PDE4A: variants seen among roughly 807,000 people sequenced by gnomAD.
PDE4A encodes phosphodiesterase 4A, also known as 3',5'-cyclic-AMP phosphodiesterase 4A.
PDE4A carries 21 observed loss-of-function variants against 73.9 expected under a neutral mutation model. That is an observed-to-expected ratio of 0.28 (90% CI 0.20 to 0.41). The LOEUF (loss-of-function observed/expected upper bound fraction) is 0.41. Ranked by LOEUF, PDE4A falls within the 10% of genes least tolerant of loss-of-function variation. PDE4A has a pLI of 1.00. For missense variants in PDE4A, 958 were observed against 1,211.4 expected (o/e 0.79, Z 3.10); for synonymous variants, 463 against 505.4 (o/e 0.92, Z 1.13).
chr19:10,425,944 G>C lies in PDE4A; in HGVS notation c.320+4860G>C, dbSNP rs10405606. Reference sequence around the variant, plus strand: ...GGAGGTTGCGGTGAGCCGAGATTGGGCCACTGCACTCCAGTCTGGGCGAGA... The same window carrying C: ...GGAGGTTGCGGTGAGCCGAGATTGGCCCACTGCACTCCAGTCTGGGCGAGA... On this transcript the variant is annotated intron_variant, in intron 1 of 14. Coordinates refer to ENST00000380702, the MANE Select transcript of PDE4A (RefSeq NM_001111307.2). Among the ~76,000 whole-genome samples, 214 of 135,130 alleles carry C rather than the reference G, an allele frequency of 1.6e-3. 1 individual carries two copies. The highest frequency in any genetic ancestry group is 6.1e-3 in the African/African-American group (206 of 33,972). 88.7% of individuals were successfully genotyped at this position (135,130 alleles called of 152,430 possible).
At chr19:10,431,159 G>C in intron 1 of PDE4A, 1 of 1,021,340 alleles carries the variant, frequency 9.8e-7, no homozygotes, top group Non-Finnish European at 1.3e-6. Context: ...TCTAGGGTTC[G>C]TGGCTCACTC....
intron 13 of PDE4A, among the ~76,000 whole-genome samples, chr19:10,463,450 G>A (rs1236272924): frequency 2.8e-5 from 4 of 143,570 alleles, no homozygotes; most frequent in Non-Finnish European, 6.0e-5. Context: ...CGCCCAGGCT[G>A]GAGGGCAGTG....
chr19:10,422,043 T>C (rs2042658006), intron 1 of PDE4A, among the ~76,000 whole-genome samples: 1 of 152,128 alleles, frequency 6.6e-6, no homozygotes, highest in Non-Finnish European at 1.5e-5. Context: ...CGACAGTGAC[T>C]GTGTGTGCTC....
At position 10,420,580 on chromosome 19, in the gene PDE4A, A is replaced by C; in HGVS notation, c.-185A>C. 7.9e-7 allele frequency: 1 copy of C among 1,260,284 alleles called. No individual in the cohort carries two copies. Among genetic ancestry groups the C allele is most frequent in the Non-Finnish European group, 9.9e-7 (1 of 1,005,406 alleles). The allele number at this position is 1,260,284 out of a possible 1,614,324, so 78.1% of individuals were successfully genotyped here. A position where few individuals can be genotyped will look rare whatever the true frequency, so the allele number is the denominator to read the frequency against. The stretch of plus-strand genomic sequence containing the variant: ...GAGCAGAGCTCCAGGCGCCGAAAGG[A>C]AGCTGCAGAGCCCGGCCCGGGGGCG... On this transcript the variant is annotated 5_prime_UTR_variant, in exon 1 of 15. Coordinates refer to ENST00000380702, the MANE Select transcript of PDE4A (RefSeq NM_001111307.2). This position sits in a 1 kb window ranked among gnomAD's most constrained non-coding sequence, Gnocchi z 6.0.
At chr19:10,439,462 G>A (rs1288127569) in intron 1 of PDE4A, among the ~76,000 whole-genome samples, 1 of 152,124 alleles carries the variant, frequency 6.6e-6, no homozygotes, top group Non-Finnish European at 1.5e-5. Context: ...GATTACAGGC[G>A]TGAGCCACCG....
At chr19:10,441,427 CT>C (rs575369296) in intron 1 of PDE4A, among the ~76,000 whole-genome samples, 2,047 of 144,620 alleles carry the variant, frequency 0.014, 41 homozygotes, top group African/African-American at 0.047. Flanking sequence ...GTGCCCAGCC[CT>C]TTTTTTTTTT....
intron 1 of PDE4A, among the ~76,000 whole-genome samples, chr19:10,442,492 C>T (rs956455495): frequency 6.6e-6 from 1 of 152,020 alleles, no homozygotes; most frequent in African/African-American, 2.4e-5. Context: ...CCACTGCACT[C>T]CAGACTGGGC....
At chr19:10,466,667 T>G (rs1457477345) in intron 14 of PDE4A, 1 of 196,278 alleles carries the variant, frequency 5.1e-6, no homozygotes, top group East Asian at 1.9e-4. Flanking sequence ...CTAATTTTTG[T>G]ATTTTTGGTA....
chr19:10,416,916 G>C (rs1432622649), upstream of PDE4A: 1 of 1,538,414 alleles, frequency 6.5e-7, no homozygotes, highest in Non-Finnish European at 8.7e-7. Context: ...GGCCACCGCA[G>C]TCCCAACGGC....
At chr19:10,419,103 G>C, upstream of PDE4A, 8 of 980,762 alleles carry the variant, frequency 8.2e-6, no homozygotes, top group Non-Finnish European at 9.7e-6. Context: ...AGGGCGCGGG[G>C]GGAGGGCGGT....
At chr19:10,418,697 T>G, upstream of PDE4A, 3 of 923,184 alleles carry the variant, frequency 3.2e-6, no homozygotes, top group South Asian at 5.0e-5. Flanking sequence ...CGCTCCTCGT[T>G]TCCTCCTTCT....
Position 10,436,912 on chromosome 19 carries a change from AC to A in PDE4A, c.321-9304del, listed in dbSNP as rs2042872739. Among the ~76,000 whole-genome samples the A allele has an allele frequency of 8.6e-5, 13 of 151,938 alleles. No individual in the cohort carries two copies. The South Asian group carries it at 2.7e-3, about 32-fold the overall frequency. On this transcript the variant is annotated intron_variant, in intron 1 of 14. Coordinates refer to ENST00000380702, the MANE Select transcript of PDE4A (RefSeq NM_001111307.2). The stretch of plus-strand genomic sequence containing the variant: ...AAATTAGCCAGGTGTAGTGGCGCAC[AC>A]CTGTAGTCCCAGCTACTCGAGAGAC...
At chr19:10,457,259 T>C (rs1200723992) in intron 7 of PDE4A, among the ~76,000 whole-genome samples, 4 of 152,190 alleles carry the variant, frequency 2.6e-5, no homozygotes, top group African/African-American at 9.6e-5. Flanking sequence ...CTCTGAGTTC[T>C]GAGGATCCAC....
intron 1 of PDE4A, among the ~76,000 whole-genome samples, chr19:10,429,279 G>GAAGGAAGA (rs753245478): frequency 6.7e-5 from 8 of 120,278 alleles, no homozygotes; most frequent in African/African-American, 1.3e-4. Context: ...AGGAAGGAAG[G>GAAGGAAGA]AAGAAAGAAA....
intron 1 of PDE4A, among the ~76,000 whole-genome samples, chr19:10,428,313 G>C (rs558236637): frequency 6.6e-6 from 1 of 151,782 alleles, no homozygotes; most frequent in South Asian, 2.1e-4. Context: ...AGCTATGATC[G>C]TGCCACTGTA....
intron 2 of PDE4A, 53 bp from the exon 3 acceptor site, chr19:10,448,864 C>T: frequency 6.2e-7 from 1 of 1,611,058 alleles, no homozygotes; most frequent in Non-Finnish European, 8.5e-7. Context: ...GGCATCTACC[C>T]CAGACAGTTG....
At chr19:10,438,105 A>C (rs2145493721) in intron 1 of PDE4A, among the ~76,000 whole-genome samples, 1 of 145,022 alleles carries the variant, frequency 6.9e-6, no homozygotes, top group Non-Finnish European at 1.5e-5. Context: ...CACTTCACCC[A>C]GCCTCCAAGA....
At position 10,467,741 on chromosome 19, in the gene PDE4A, C is replaced by T. The variant is rs200805695; in HGVS notation, c.*120C>T. 28 of 746,664 alleles carry T rather than the reference C, an allele frequency of 3.8e-5. No individual in the cohort carries two copies. The highest frequency in any genetic ancestry group is 5.4e-5 in the African/African-American group (3 of 55,918). The allele number at this position is 746,664 out of a possible 1,614,324, so 46.3% of individuals were successfully genotyped here. On this transcript the variant is annotated 3_prime_UTR_variant, in exon 15 of 15. Transcript: ENST00000380702. ...TTGTCCCTCCTGAGAAAAAAGAAAACGAAAAGTGGGGTTTTTTTCTGTTTT... is the reference window on the plus strand; with the variant it reads ...TTGTCCCTCCTGAGAAAAAAGAAAATGAAAAGTGGGGTTTTTTTCTGTTTT...
At chr19:10,450,513 G>A in intron 4 of PDE4A, 90 bp from the exon 5 acceptor site, 1 of 1,490,628 alleles carries the variant, frequency 6.7e-7, no homozygotes, top group South Asian at 1.3e-5. Flanking sequence ...TCAGACAAAT[G>A]AAAATTGGCA....
Sources: gnomAD v4.1 joint callset for allele counts (sites outside exome capture counted in the v4.1 genomes callset) on GRCh38, gnomAD v4.1.1 for gene constraint, Gnocchi (gnomAD v3.1) non-coding constraint, MANE v1.5 for transcripts, NCBI Gene and HGNC (gene_info 2026-07-23, HGNC 2026-07-21) for gene names.